Variants in CNTNAP3B observed in about 807,000 individuals in gnomAD.
The protein encoded by CNTNAP3B is contactin associated protein family member 3B.
CNTNAP3B carries 25 observed loss-of-function variants against 108.9 expected under a neutral mutation model. The observed-to-expected ratio is 0.23, with a 90% CI of 0.17 to 0.32. The LOEUF is 0.32. Ranked by LOEUF, CNTNAP3B falls within the 10% of genes least tolerant of loss-of-function variation. The probability of loss-of-function intolerance (pLI) is 1.00; values close to 1 mark genes in which losing one functional copy is unlikely to be tolerated. For synonymous variants in CNTNAP3B, 103 were observed against 473.4 expected (o/e 0.22, Z 10.16); for missense variants, 252 against 1,210.4 (o/e 0.21, Z 11.75).
chr9:41,919,065 A>G (rs1322918980), intron 18 of CNTNAP3B, among the ~76,000 whole-genome samples: 4 of 152,294 alleles, frequency 2.6e-5, no homozygotes, highest in Admixed American at 1.3e-4. Flanking sequence ...GAGGTTTCAT[A>G]AAAGTATTAT....
rs1587293706 is a variant in CNTNAP3B, at chr9:42,126,829, C to G, written c.85+2181G>C. Among the ~76,000 whole-genome samples the G allele has an allele frequency of 3.6e-5, 5 of 138,690 alleles. No individual in the cohort carries two copies. In the East Asian group the frequency reaches 1.1e-3, roughly 30 times the overall value. 91.0% of individuals were successfully genotyped at this position (138,690 alleles called of 152,430 possible). A position where few individuals can be genotyped will look rare whatever the true frequency, so the allele number is the denominator to read the frequency against. ...AGGTGATCCACCCACCTCGGCCTCC[C>G]AAAGTGCTGGGATTACAGACACGAG... is the stretch of plus-strand genomic sequence containing the variant. On this transcript the variant is annotated intron_variant, in intron 1 of 23. Transcript: ENST00000377561.
intron 3 of CNTNAP3B, among the ~76,000 whole-genome samples, chr9:42,070,760 C>A (rs551169738): frequency 3.9e-5 from 6 of 152,152 alleles, no homozygotes; most frequent in Admixed American, 3.3e-4. Context: ...TTCCTTCTGC[C>A]CCCTCCGTTA....
At chr9:41,942,246 C>A (rs1283305295) in intron 13 of CNTNAP3B, among the ~76,000 whole-genome samples, 1 of 152,254 alleles carries the variant, frequency 6.6e-6, no homozygotes, top group African/African-American at 2.4e-5. Context: ...GAGGCCGAGG[C>A]GGGCAGATCA....
In CNTNAP3B at chr9:42,129,098, C is replaced by A; in HGVS notation, c.-4G>T. On this transcript the variant is annotated 5_prime_UTR_variant, in exon 1 of 24. Coordinates refer to ENST00000377561, the MANE Select transcript of CNTNAP3B (RefSeq NM_001201380.3). ...CGGCCCAGGCCACTGAAGCCATGCT[C>A]ACTTCAGCCAGGCGCCCTGAGACCC... The A allele has an allele frequency of 6.3e-7, 1 of 1,594,760 alleles. No individual in the cohort carries two copies. The highest frequency in any genetic ancestry group is 8.5e-7 in the Non-Finnish European group (1 of 1,174,878).
At chr9:41,932,518 T>C (rs1824008537) in intron 14 of CNTNAP3B, among the ~76,000 whole-genome samples, 1 of 136,782 alleles carries the variant, frequency 7.3e-6, no homozygotes, top group Non-Finnish European at 1.6e-5. Flanking sequence ...CTTTTTTTTC[T>C]TCTTTTTTTT....
intron 3 of CNTNAP3B, among the ~76,000 whole-genome samples, chr9:42,017,378 AT>A (rs1403320983): frequency 8.2e-6 from 1 of 122,452 alleles, no homozygotes; most frequent in African/African-American, 3.4e-5. Context: ...ATCAACAACT[AT>A]TTTTAAGAAG....
At chr9:41,916,797 A>G (rs1823529351) in intron 18 of CNTNAP3B, among the ~76,000 whole-genome samples, 1 of 147,398 alleles carries the variant, frequency 6.8e-6, no homozygotes, top group South Asian at 2.2e-4. Context: ...GCTACTGAAC[A>G]TGAAAGATGG....
chr9:41,961,534 T>A, intron 11 of CNTNAP3B, among the ~76,000 whole-genome samples: 1 of 152,298 alleles, frequency 6.6e-6, no homozygotes, highest in East Asian at 1.9e-4. Flanking sequence ...GCCTAAATAA[T>A]CTGGTATTTT....
chr9:41,932,497 C>CAACTTTTTAACTTTTT (rs199841372), intron 14 of CNTNAP3B, among the ~76,000 whole-genome samples: 1 of 149,090 alleles, frequency 6.7e-6, no homozygotes, highest in Non-Finnish European at 1.5e-5. Context: ...AATGTTGAGT[C>CAACTTTTTAACTTTTT]AACTTTTTAA....
chr9:42,075,836 C>CTTA (rs201491733), intron 3 of CNTNAP3B, among the ~76,000 whole-genome samples: 34,503 of 63,406 alleles, frequency 0.54, 10,565 homozygotes, highest in Non-Finnish European at 0.66. Context: ...GTAATAAATA[C>CTTA]TTATTATTAT....
At chr9:41,925,632 C>T (rs1823797453) in intron 15 of CNTNAP3B, among the ~76,000 whole-genome samples, 2 of 152,294 alleles carry the variant, frequency 1.3e-5, no homozygotes, top group African/African-American at 4.8e-5. Context: ...TAGCTTTTCT[C>T]TTGATCTTTT....
chr9:42,012,792 G>A (rs1307568991), intron 4 of CNTNAP3B, among the ~76,000 whole-genome samples: 1 of 91,966 alleles, frequency 1.1e-5, no homozygotes, highest in African/African-American at 4.3e-5. Flanking sequence ...ATAATCTCAC[G>A]GCCGGCTTTT....
intron 9 of CNTNAP3B, among the ~76,000 whole-genome samples, chr9:41,972,625 A>G (rs1334026064): frequency 1.4e-5 from 2 of 138,022 alleles, no homozygotes; most frequent in African/African-American, 5.7e-5. Context: ...ATAACCTCAC[A>G]GACACTTGGA....
In CNTNAP3B at chr9:42,111,838, C is replaced by A. The variant is rs1461628401; in HGVS notation, c.86-7099G>T. On this transcript the variant is annotated intron_variant, in intron 1 of 23. Coordinates refer to ENST00000377561, the MANE Select transcript of CNTNAP3B (RefSeq NM_001201380.3). ...GTAGGTCCTCATGTTAACGACCTAA[C>A]TAATCCTTACAGCCAATGTTTCCTT... 3.1e-4 allele frequency among the ~76,000 whole-genome samples: 43 copies of A among 138,642 alleles called. 7 individuals carry two copies. The highest frequency in any genetic ancestry group is 6.0e-4 in the Non-Finnish European group (39 of 64,818). 91.0% of individuals were successfully genotyped at this position (138,642 alleles called of 152,430 possible).
chr9:42,071,539 A>G (rs569736705), intron 3 of CNTNAP3B, among the ~76,000 whole-genome samples: 1 of 138,624 alleles, frequency 7.2e-6, no homozygotes, highest in African/African-American at 2.9e-5. Context: ...CTACATTCAT[A>G]TGGTGCATAA....
intron 1 of CNTNAP3B, among the ~76,000 whole-genome samples, chr9:42,110,483 A>G (rs1191704172): frequency 7.4e-6 from 1 of 135,874 alleles, no homozygotes; most frequent in Non-Finnish European, 1.6e-5. Flanking sequence ...AAAGAGTTCA[A>G]CAGATGGTTA....
chr9:41,945,587 A>T (rs1161682357), intron 13 of CNTNAP3B, among the ~76,000 whole-genome samples: 5 of 152,308 alleles, frequency 3.3e-5, no homozygotes, highest in African/African-American at 9.6e-5. Context: ...GGACACAGGA[A>T]GGGGAACATC....
In CNTNAP3B at chr9:42,112,644, C is replaced by T. The variant is rs567206903; in HGVS notation, c.86-7905G>A. Among the ~76,000 whole-genome samples the T allele has an allele frequency of 3.9e-3, 535 of 137,048 alleles. 115 individuals carry two copies. The highest frequency in any genetic ancestry group is 0.015 in the African/African-American group (520 of 34,250). 89.9% of individuals were successfully genotyped at this position (137,048 alleles called of 152,430 possible). On this transcript the variant is annotated intron_variant, in intron 1 of 23. Transcript: ENST00000377561. ...TACAGGGGGTAGGAGATAGGGGTTA[C>T]ACGTTGTCTCTCCTTCCAGATGACA...
chr9:41,949,994 G>A (rs1446761130), intron 13 of CNTNAP3B, among the ~76,000 whole-genome samples: 1 of 151,300 alleles, frequency 6.6e-6, no homozygotes, highest in Non-Finnish European at 1.5e-5. Flanking sequence ...CAAAAGGCTA[G>A]TATCTAGAAT....
Sources: allele counts gnomAD v4.1 joint callset (sites outside exome capture counted in the v4.1 genomes callset), GRCh38; gene constraint gnomAD v4.1.1; transcripts MANE v1.5; gene names NCBI Gene and HGNC (gene_info 2026-07-23, HGNC 2026-07-21).